The following ZCWPW1 variants were observed in gnomAD, a reference collection of about 807,000 sequenced individuals.
ZCWPW1 encodes zinc finger CW-type PWWP domain protein 1.
Under a neutral mutation model 81.3 loss-of-function variants are expected in ZCWPW1, and 56 were observed. The ratio of observed to expected loss-of-function variants is 0.69; its 90% CI spans 0.56 to 0.86. ZCWPW1 has a LOEUF of 0.86. ZCWPW1 is among the 40% of genes least tolerant of loss of function. The pLI, the probability that ZCWPW1 is intolerant of heterozygous loss-of-function variation, is 0.00. For synonymous variants in ZCWPW1, 250 were observed against 273.7 expected (o/e 0.91, Z 0.86); for missense variants, 650 against 769.8 (o/e 0.84, Z 1.84).
chr7:100,425,556 G>C (rs1388848598), intron 1 of ZCWPW1, among the ~76,000 whole-genome samples: 1 of 152,174 alleles, frequency 6.6e-6, no homozygotes. Context: ...TAACTCAGCA[G>C]TTCTAAGTGT....
chr7:100,406,893 A>C, intron 11 of ZCWPW1, 95 bp from the exon 12 acceptor site: 6 of 1,145,604 alleles, frequency 5.2e-6, no homozygotes, highest in Non-Finnish European at 7.6e-6. Flanking sequence ...ATTCACCCAG[A>C]AGGAGGTGCT....
intron 17 of ZCWPW1, 46 bp from the exon 18 acceptor site, chr7:100,401,382 G>C: frequency 6.8e-7 from 1 of 1,465,076 alleles, no homozygotes; most frequent in Non-Finnish European, 9.1e-7. Flanking sequence ...AGGTCAGCCT[G>C]TCCTTACCTT....
chr7:100,408,599 A>G lies in ZCWPW1; in HGVS notation c.932T>C (p.Val311Ala), dbSNP rs755319032. 5 of 1,614,152 alleles carry G rather than the reference A, an allele frequency of 3.1e-6. No individual in the cohort carries two copies. The highest frequency in any genetic ancestry group is 4.2e-6 in the Non-Finnish European group (5 of 1,179,992). ...EETWTGLESD[V>A]AYASYIPGSI... ...TCCTGGGATGTAGGAGGCATAGGCC[A>G]CATCACTCTCAAGCCCTGTCCAGGT... Residue 311 changes from valine (V) to alanine (A), a missense_variant, in exon 10 of 18, where the codon GTG becomes GCG. Val to Ala is a moderately conservative substitution (Grantham distance 64). Coordinates refer to ENST00000684423, the MANE Select transcript of ZCWPW1 (RefSeq NM_001386010.1).
At chr7:100,415,092 T>TC (rs903259873) in intron 8 of ZCWPW1, among the ~76,000 whole-genome samples, 4 of 143,688 alleles carry the variant, frequency 2.8e-5, no homozygotes, top group African/African-American at 1.0e-4. Flanking sequence ...TTTTTTTTTT[T>TC]TTTTTTTTTT....
rs1456667498 is a variant in ZCWPW1, at chr7:100,403,636, C to A, written c.1413+58G>T. On this transcript the variant is annotated intron_variant, in intron 15 of 17. Coordinates refer to ENST00000684423, the MANE Select transcript of ZCWPW1 (RefSeq NM_001386010.1). ...TCCAGGAGTTTGAGACCAGCCTGGGCAACCTGGTGAAACTCCATCTCTATA... is the reference window on the plus strand; with the variant it reads ...TCCAGGAGTTTGAGACCAGCCTGGGAAACCTGGTGAAACTCCATCTCTATA... 2.0e-6 allele frequency: 3 copies of A among 1,496,270 alleles called. No homozygotes were observed. In the East Asian group the frequency reaches 7.5e-5, roughly 37 times the overall value. 92.7% of individuals were successfully genotyped at this position (1,496,270 alleles called of 1,614,324 possible).
intron 1 of ZCWPW1, among the ~76,000 whole-genome samples, chr7:100,426,358 GGCAGGC>G (rs918137607): frequency 2.1e-4 from 32 of 152,074 alleles, no homozygotes; most frequent in Non-Finnish European, 3.4e-4. Flanking sequence ...CCAGCGTGGT[GGCAGGC>G]GCCTGTAATC....
chr7:100,427,731 C>T (rs1018346628), intron 1 of ZCWPW1, among the ~76,000 whole-genome samples: 6 of 150,982 alleles, frequency 4.0e-5, no homozygotes, highest in East Asian at 1.9e-4. Flanking sequence ...AATTCCAAAT[C>T]CACCTGCAAT....
intron 3 of ZCWPW1, 95 bp from the exon 4 acceptor site, chr7:100,419,978 G>T: frequency 9.6e-7 from 1 of 1,039,980 alleles, no homozygotes; most frequent in Non-Finnish European, 1.4e-6. Flanking sequence ...AGAATGATAT[G>T]GAGAGAGCTT....
Position 100,407,481 on chromosome 7 carries a change from C to G in ZCWPW1, c.993-178G>C, listed in dbSNP as rs1793278947. Among the ~76,000 whole-genome samples the G allele has an allele frequency of 1.3e-5, 2 of 152,290 alleles. 1 individual carries two copies. Among genetic ancestry groups the G allele is most frequent in the Non-Finnish European group, 2.9e-5 (2 of 68,018 alleles). ...AACCATGGCTCACTGCAGCTTTGAT[C>G]TGTCAGGCGCAAGTGATCCTCCCAC... On this transcript the variant is annotated intron_variant, in intron 10 of 17. Transcript: ENST00000684423.
At chr7:100,417,737 G>T (rs1795588648) in intron 5 of ZCWPW1, among the ~76,000 whole-genome samples, 2 of 151,780 alleles carry the variant, frequency 1.3e-5, no homozygotes, top group South Asian at 2.1e-4. Context: ...AAAATTATAT[G>T]TACTGTATTT....
In ZCWPW1 at chr7:100,408,571, G is replaced by A; in HGVS notation, c.960C>T (p.Ser320=). ...AACCGTATTGCTTGGCCCAGATGATGGATCCTGGGATGTAGGAGGCATAGG... is the reference window on the plus strand; with the variant it reads ...AACCGTATTGCTTGGCCCAGATGATAGATCCTGGGATGTAGGAGGCATAGG... The part of the protein sequence containing the change: ...DVAYASYIPG[S]IIWAKQYGYP... The change falls in exon 10 of 18, where the codon TCC becomes TCT. Residue 320 remains serine, a synonymous_variant. Transcript: ENST00000684423. The A allele has an allele frequency of 6.2e-7, 1 of 1,613,984 alleles. No individual in the cohort carries two copies. The highest frequency in any genetic ancestry group is 8.5e-7 in the Non-Finnish European group (1 of 1,179,934).
chr7:100,424,548 G>A (rs1391973783), intron 2 of ZCWPW1, among the ~76,000 whole-genome samples: 1 of 152,022 alleles, frequency 6.6e-6, no homozygotes, highest in Non-Finnish European at 1.5e-5. Context: ...TGAAACCTCT[G>A]CCTCCCAGGT....
Position 100,409,474 on chromosome 7 carries a change from A to C in ZCWPW1, c.825T>G (p.Ile275Met). 1 of 1,614,188 alleles carries C rather than the reference A, an allele frequency of 6.2e-7. No homozygotes were observed. The highest frequency in any genetic ancestry group is 8.5e-7 in the Non-Finnish European group (1 of 1,180,018). The change falls in exon 9 of 18, where the codon ATT (isoleucine) becomes ATG (methionine). Residue 275 changes from isoleucine to methionine, a missense_variant. Ile to Met is a conservative substitution (Grantham distance 10). Transcript: ENST00000684423. ...CGKWRRLCGN[I>M]DPSVLPDNWS... The stretch of plus-strand genomic sequence containing the variant: ...AATTATCTGGGAGAACTGAGGGGTC[A>C]ATGTTCCCACACAGCCGCCTCCATT...
intron 16 of ZCWPW1, 100 bp from the exon 17 acceptor site, chr7:100,402,141 G>A: frequency 6.9e-7 from 1 of 1,441,586 alleles, no homozygotes; most frequent in Non-Finnish European, 9.3e-7. Context: ...CACATCTTCT[G>A]CTCAGTTGCA....
In ZCWPW1 at chr7:100,409,477, G is replaced by A. The variant is rs776075622; in HGVS notation, c.822C>T (p.Asn274=). The change falls in exon 9 of 18, where the codon AAC becomes AAT. Residue 274 remains asparagine, a synonymous_variant. Transcript: ENST00000684423. ...TATCTGGGAGAACTGAGGGGTCAAT[G>A]TTCCCACACAGCCGCCTCCATTTCC... ...NCGKWRRLCG[N]IDPSVLPDNW... 28 of 1,614,146 alleles carry A rather than the reference G, an allele frequency of 1.7e-5. 1 individual carries two copies. The highest frequency in any genetic ancestry group is 6.7e-5 in the African/African-American group (5 of 75,042).
rs765695800 is a variant in ZCWPW1 at position 100,420,622 on chromosome 7, C to T, written c.28G>A (p.Glu10Lys). 2.5e-6 allele frequency: 4 copies of T among 1,613,970 alleles called. No homozygotes were observed. Among genetic ancestry groups the T allele is most frequent in the Admixed American group, 1.7e-5 (1 of 59,988 alleles). The change falls in exon 3 of 18, where the codon GAA becomes AAA. Residue 10 changes from glutamate (E) to lysine (K), a missense_variant and splice_region_variant. Glu to Lys is a moderately conservative substitution (Grantham distance 56, BLOSUM62 1). Transcript: ENST00000684423. ...CGAACCTCCCTCACTCTTGACTCACCTTCTTTATTCTGCAACGTTGTCATC... is the reference window on the plus strand; with the variant it reads ...CGAACCTCCCTCACTCTTGACTCACTTTCTTTATTCTGCAACGTTGTCATC... MMTTLQNKE[E>K]CGKGPKRIFA...
Position 100,419,440 on chromosome 7 carries a change from C to G in ZCWPW1, c.282+190G>C, listed in dbSNP as rs147614434. ...TCTAACCCACCTCATCCCATTATTT[C>G]CTGCTCAATTCTTTCATCAAAACAT... On this transcript the variant is annotated intron_variant, in intron 4 of 17. Transcript: ENST00000684423. Among the ~76,000 whole-genome samples, 84 of 152,234 alleles carry G rather than the reference C, an allele frequency of 5.5e-4. No homozygotes were observed. In the East Asian group the frequency reaches 0.015, roughly 28 times the overall value.
rs1188419423 is a variant in ZCWPW1, at chr7:100,419,033, G to C, written c.361+78C>G. On this transcript the variant is annotated intron_variant, in intron 5 of 17. Coordinates refer to ENST00000684423, the MANE Select transcript of ZCWPW1 (RefSeq NM_001386010.1). ...TAGAAGATGGGAGAGAAAGAGAGAA[G>C]CTGTCAGACTTAACTCTCCCTCTCA... 3 of 1,109,884 alleles carry C rather than the reference G, an allele frequency of 2.7e-6. No individual in the cohort carries two copies. In the South Asian group the frequency reaches 4.0e-5, roughly 15 times the overall value. The allele number at this position is 1,109,884 out of a possible 1,614,324, so 68.8% of individuals were successfully genotyped here.
chr7:100,409,779 G>A (rs1793813872), intron 8 of ZCWPW1, among the ~76,000 whole-genome samples: 1 of 152,188 alleles, frequency 6.6e-6, no homozygotes, highest in Non-Finnish European at 1.5e-5. Context: ...CAAGTCTCAT[G>A]CCTTGATCTT....
Sources: gnomAD v4.1 joint callset for allele counts (sites outside exome capture counted in the v4.1 genomes callset) on GRCh38, gnomAD v4.1.1 for gene constraint, MANE v1.5 for transcripts, NCBI Gene and HGNC (gene_info 2026-07-23, HGNC 2026-07-21) for gene names.